TTC7B: variants seen among roughly 807,000 people sequenced by gnomAD.
TTC7B encodes the protein tetratricopeptide repeat domain 7B, also known as tetratricopeptide repeat protein 7B.
A neutral mutation model predicts 106.8 loss-of-function variants in TTC7B; 28 were observed. That is an observed-to-expected ratio of 0.26 (90% CI 0.19 to 0.36). TTC7B has a LOEUF of 0.36. TTC7B is among the 10% of genes least tolerant of loss of function. The pLI is 1.00. For missense variants in TTC7B, 862 were observed against 1,076.4 expected (o/e 0.80, Z 2.79); for synonymous variants, 405 against 430.6 (o/e 0.94, Z 0.74).
chr14:90,646,686 G>T, intron 14 of TTC7B: 1 of 462,388 alleles, frequency 2.2e-6, no homozygotes. Context: ...TGCTCCCCAG[G>T]TTGCCATCTG....
chr14:90,576,811 T>C (rs1891277537), intron 19 of TTC7B, among the ~76,000 whole-genome samples: 1 of 152,214 alleles, frequency 6.6e-6, no homozygotes, highest in Non-Finnish European at 1.5e-5. Flanking sequence ...TTTTGCAACA[T>C]TACTATGAGA....
intron 7 of TTC7B, among the ~76,000 whole-genome samples, chr14:90,681,559 GC>G (rs1489318767): frequency 6.6e-6 from 1 of 151,980 alleles, no homozygotes; most frequent in East Asian, 1.9e-4. Flanking sequence ...TTTTTGTACT[GC>G]ATCTTAGGAT....
intron 15 of TTC7B, among the ~76,000 whole-genome samples, chr14:90,637,747 A>G (rs916539427): frequency 1.3e-5 from 2 of 152,254 alleles, no homozygotes; most frequent in South Asian, 4.1e-4. Context: ...GATGAAAGGA[A>G]TAAAGTCATA....
chr14:90,680,587 A>G, intron 7 of TTC7B, 52 bp from the exon 8 acceptor site: 1 of 1,363,694 alleles, frequency 7.3e-7, no homozygotes, highest in Non-Finnish European at 1.0e-6. Flanking sequence ...AAAATATACA[A>G]ATACAAGCAG....
At chr14:90,758,342 G>A (rs990081238) in intron 3 of TTC7B, among the ~76,000 whole-genome samples, 1 of 141,722 alleles carries the variant, frequency 7.1e-6, no homozygotes, top group African/African-American at 2.6e-5. Context: ...GGGGCGGGGC[G>A]GGGCGCGGCG....
intron 15 of TTC7B, among the ~76,000 whole-genome samples, chr14:90,620,058 C>G (rs911395375): frequency 6.6e-6 from 1 of 152,032 alleles, no homozygotes; most frequent in African/African-American, 2.4e-5. Context: ...GGGTTCACAC[C>G]AAGCGCCCCC....
intron 7 of TTC7B, among the ~76,000 whole-genome samples, chr14:90,682,715 G>C (rs1887102454): frequency 6.6e-6 from 1 of 152,160 alleles, no homozygotes; most frequent in South Asian, 2.1e-4. Context: ...AGGGGAAGGT[G>C]GGGGACGAAA....
At chr14:90,542,835 T>C (rs1410285815) in intron 19 of TTC7B, among the ~76,000 whole-genome samples, 1 of 152,088 alleles carries the variant, frequency 6.6e-6, no homozygotes, top group African/African-American at 2.4e-5. Flanking sequence ...TATTTGGACA[T>C]CCTCCCCTTA....
intron 19 of TTC7B, among the ~76,000 whole-genome samples, chr14:90,573,409 C>T (rs908408446): frequency 5.1e-5 from 7 of 136,034 alleles, no homozygotes; most frequent in African/African-American, 2.0e-4. Flanking sequence ...CAGGCCCTCT[C>T]CGGCTCACGG....
chr14:90,758,817 G>T (rs561504098), intron 3 of TTC7B, among the ~76,000 whole-genome samples: 5 of 152,202 alleles, frequency 3.3e-5, no homozygotes, highest in Non-Finnish European at 5.9e-5. Flanking sequence ...CGCAGTCCAG[G>T]AAGCAGGCAC....
At chr14:90,561,675 C>T (rs908262290) in intron 19 of TTC7B, among the ~76,000 whole-genome samples, 13 of 152,202 alleles carry the variant, frequency 8.5e-5, no homozygotes, top group Admixed American at 2.6e-4. Context: ...CTGTGGAAGC[C>T]GTTTCTAATT....
At chr14:90,561,077 G>T (rs913948939) in intron 19 of TTC7B, among the ~76,000 whole-genome samples, 4 of 152,328 alleles carry the variant, frequency 2.6e-5, no homozygotes, top group Non-Finnish European at 5.9e-5. Context: ...CTTGCGCTTT[G>T]GTTCTGGCCC....
chr14:90,601,897 C>A, intron 17 of TTC7B: 1 of 309,798 alleles, frequency 3.2e-6, no homozygotes, highest in South Asian at 2.9e-5. Context: ...CAGGGCGATG[C>A]GGCGAGTTGC....
chr14:90,777,903 G>T (rs541655397), intron 3 of TTC7B, among the ~76,000 whole-genome samples: 78 of 152,332 alleles, frequency 5.1e-4, no homozygotes, highest in African/African-American at 1.8e-3. Flanking sequence ...TGTCGGCACT[G>T]TAGAAGCATT....
chr14:90,727,292 T>A (rs1421972294), intron 5 of TTC7B, among the ~76,000 whole-genome samples: 2 of 151,974 alleles, frequency 1.3e-5, no homozygotes, highest in African/African-American at 4.8e-5. Context: ...ATCGACTCCA[T>A]CCACACCGAG....
At chr14:90,668,941 T>A (rs757756594) in intron 9 of TTC7B, among the ~76,000 whole-genome samples, 1 of 148,324 alleles carries the variant, frequency 6.7e-6, no homozygotes, top group Non-Finnish European at 1.5e-5. Flanking sequence ...GTTAAAGGAC[T>A]CATACTTTCT....
At chr14:90,593,889 G>C (rs1165879173) in intron 17 of TTC7B, 3 of 341,836 alleles carry the variant, frequency 8.8e-6, no homozygotes, top group Non-Finnish European at 1.6e-5. Flanking sequence ...CTGGCAGATG[G>C]GGGGCCAGAT....
chr14:90,801,326 C>T (rs374313700), intron 1 of TTC7B, among the ~76,000 whole-genome samples: 19 of 151,606 alleles, frequency 1.3e-4, no homozygotes, highest in African/African-American at 4.6e-4. Flanking sequence ...CCGGAAGGAA[C>T]GCGAAACCAC....
In TTC7B at chr14:90,527,177, C is replaced by T. The variant is rs908218059; in HGVS notation, c.*14191G>A. The T allele has an allele frequency of 6.6e-6, 1 of 151,880 alleles. No individual in the cohort carries two copies. Among genetic ancestry groups the T allele is most frequent in the Non-Finnish European group, 1.5e-5 (1 of 68,008 alleles). 9.4% of individuals were successfully genotyped at this position (151,880 alleles called of 1,614,324 possible). ...GCTCACCCCATCATATCTGGGGGTA[C>T]CTGGTATTCACACGACTCATCACTG... On this transcript the variant is annotated 3_prime_UTR_variant, in exon 20 of 20. Transcript: ENST00000328459.
Sources: gnomAD v4.1 joint callset for allele counts (sites outside exome capture counted in the v4.1 genomes callset) on GRCh38, gnomAD v4.1.1 for gene constraint, MANE v1.5 for transcripts, NCBI Gene and HGNC (gene_info 2026-07-23, HGNC 2026-07-21) for gene names.